The following TBL2 variants were observed in gnomAD, a reference collection of about 807,000 sequenced individuals.
TBL2 encodes the protein transducin beta-like protein 2.
Under a neutral mutation model 41.8 loss-of-function variants are expected in TBL2, and 33 were observed. That is an observed-to-expected ratio of 0.79 (90% CI 0.60 to 1.06). The LOEUF is 1.06. Ranked by LOEUF, TBL2 falls within the 50% of genes least tolerant of loss-of-function variation. The pLI is 0.00. For synonymous variants in TBL2, 239 were observed against 241.7 expected (o/e 0.99, Z 0.10); for missense variants, 522 against 603.8 (o/e 0.86, Z 1.42).
chr7:73,573,174 G>T, intron 4 of TBL2, 146 bp downstream of exon 4: 2 of 1,390,472 alleles, frequency 1.4e-6, no homozygotes, highest in Non-Finnish European at 2.0e-6. Flanking sequence ...CTCCAGGGGA[G>T]CACAGAGCCA....
chr7:73,570,732 G>C lies in TBL2; in HGVS notation c.1119C>G (p.Gly373=). 1 of 1,614,174 alleles carries C rather than the reference G, an allele frequency of 6.2e-7. No homozygotes were observed. The highest frequency in any genetic ancestry group is 8.5e-7 in the Non-Finnish European group (1 of 1,180,032). The change falls in exon 7 of 7, where the codon GGC becomes GGG. Residue 373 remains glycine, a synonymous_variant. Coordinates refer to ENST00000305632, the MANE Select transcript of TBL2 (RefSeq NM_012453.4). ...EKEECFERVH[G]ECIANLSFDI... ...CAAAGGACAAGTTGGCGATACACTC[G>C]CCATGGACCCGCTCAAAGCACTCCT...
At chr7:73,574,346 G>A (rs1554588426) in intron 2 of TBL2, 37 bp downstream of exon 2, 2 of 1,611,708 alleles carry the variant, frequency 1.2e-6, no homozygotes, top group Non-Finnish European at 1.7e-6. Context: ...GTGGGGCTGA[G>A]TCTCAGGGTG....
chr7:73,571,635 A>C lies in TBL2; in HGVS notation c.726-294T>G, dbSNP rs1263168739. 1.5e-5 allele frequency: 5 copies of C among 331,364 alleles called. No homozygotes were observed. In the East Asian group the frequency reaches 3.6e-4, roughly 24 times the overall value. 20.5% of individuals were successfully genotyped at this position (331,364 alleles called of 1,614,324 possible). ...GCCAGGCGTGGTGGCGCATGCCTGT[A>C]GTCCCACCTACTGGGAAGGCTGAGG... On this transcript the variant is annotated intron_variant, in intron 5 of 6. Transcript: ENST00000305632.
In TBL2 at chr7:73,578,041, G is replaced by C. The variant is rs1793448516; in HGVS notation, c.130+379C>G. The C allele has an allele frequency of 7.5e-6, 4 of 531,132 alleles. No homozygotes were observed. The East Asian group carries it at 1.3e-4, about 18-fold the overall frequency. The allele number at this position is 531,132 out of a possible 1,614,324, so 32.9% of individuals were successfully genotyped here. ...ACTCCTTACAGAAAAAGACCCCAAAGCCTATCACAGGGTCATAGATGCCCA... is the reference window on the plus strand; with the variant it reads ...ACTCCTTACAGAAAAAGACCCCAAACCCTATCACAGGGTCATAGATGCCCA... On this transcript the variant is annotated intron_variant, in intron 1 of 6. Coordinates refer to ENST00000305632, the MANE Select transcript of TBL2 (RefSeq NM_012453.4).
intron 1 of TBL2, among the ~76,000 whole-genome samples, chr7:73,575,378 C>T (rs575648784): frequency 2.1e-4 from 32 of 151,960 alleles, no homozygotes; most frequent in African/African-American, 7.7e-4. Flanking sequence ...GCAAGCTCTG[C>T]CTCCCGGGTT....
In TBL2 at chr7:73,567,698, C is replaced by G. The variant is rs571023321; in HGVS notation, c.*2809G>C. On this transcript the variant is annotated 3_prime_UTR_variant, in exon 7 of 7. Transcript: ENST00000305632. Reference sequence around the variant, plus strand: ...CTCTATGTTAATATCCAGACACCTTCTCTGTGGTTACAAGAGAAGCTTGAG... The same window carrying G: ...CTCTATGTTAATATCCAGACACCTTGTCTGTGGTTACAAGAGAAGCTTGAG... 2.6e-5 allele frequency among the ~76,000 whole-genome samples: 4 copies of G among 152,268 alleles called. No homozygotes were observed. Among genetic ancestry groups the G allele is most frequent in the East Asian group, 3.9e-4 (2 of 5,182 alleles).
chr7:73,571,166 G>T, intron 6 of TBL2, 23 bp downstream of exon 6: 1 of 1,613,930 alleles, frequency 6.2e-7, no homozygotes, highest in South Asian at 1.1e-5. Flanking sequence ...CCACTGGTCA[G>T]ACATCAGAGC....
In TBL2 at chr7:73,568,237, C is replaced by T. The variant is rs1458940848; in HGVS notation, c.*2270G>A. On this transcript the variant is annotated 3_prime_UTR_variant, in exon 7 of 7. Coordinates refer to ENST00000305632, the MANE Select transcript of TBL2 (RefSeq NM_012453.4). ...TACTGTGCCTGGACCACAGAGCTGA[C>T]AGTGGGATGGTCCAGGAGTCTGCCC... is the stretch of plus-strand genomic sequence containing the variant. Among the ~76,000 whole-genome samples, 18 of 152,144 alleles carry T rather than the reference C, an allele frequency of 1.2e-4. No homozygotes were observed. Among genetic ancestry groups the T allele is most frequent in the African/African-American group, 4.3e-4 (18 of 41,444 alleles).
At position 73,574,038 on chromosome 7, in the gene TBL2, T is replaced by G; in HGVS notation, c.346A>C (p.Ile116Leu). ...ATCADDRTIR[I>L]WSTKDFLQRE... is the part of the protein sequence containing the mutation. ...TGCAGGAAGTCCTTGGTGCTCCAGA[T>G]GCGGATGGTGCGATCATCTGCACAG... is the stretch of plus-strand genomic sequence containing the variant. The change falls in exon 3 of 7, where the codon ATC becomes CTC. Residue 116 changes from isoleucine (I) to leucine (L), a missense_variant. By Grantham distance (5) the Ile-to-Leu change is conservative. Coordinates refer to ENST00000305632, the MANE Select transcript of TBL2 (RefSeq NM_012453.4). The G allele has an allele frequency of 6.2e-7, 1 of 1,614,192 alleles. No homozygotes were observed. The highest frequency in any genetic ancestry group is 8.5e-7 in the Non-Finnish European group (1 of 1,180,032).
chr7:73,574,325 A>G, intron 2 of TBL2, 58 bp downstream of exon 2: 1 of 1,605,302 alleles, frequency 6.2e-7, no homozygotes, highest in East Asian at 2.2e-5. Flanking sequence ...AATACTCCAG[A>G]GGAAAAGCCT....
chr7:73,578,352 G>A (rs1031137041), intron 1 of TBL2, 68 bp downstream of exon 1: 2 of 1,534,754 alleles, frequency 1.3e-6, no homozygotes, highest in Admixed American at 2.0e-5. Flanking sequence ...CAAACCGCAG[G>A]TCGGACCACG....
In TBL2 at chr7:73,573,360, CT is replaced by C. The variant is rs1554588177; in HGVS notation, c.557del (p.Lys186SerfsTer19). The C allele has an allele frequency of 1.9e-6, 3 of 1,614,174 alleles. No homozygotes were observed. The highest frequency in any genetic ancestry group is 2.5e-6 in the Non-Finnish European group (3 of 1,180,026). On this transcript the variant is annotated frameshift_variant, in exon 4 of 7. Coordinates refer to ENST00000305632, the MANE Select transcript of TBL2 (RefSeq NM_012453.4). LOFTEE classifies it high-confidence loss of function. The part of the protein sequence containing the change: ...FTATPEDFPK[K>X]HKAPVIDIGI... ...CAATGTCGATGACAGGCGCCTTGTG[CT>C]TTTTAGGGAAGTCCTCTGGGGTGGC... is the stretch of plus-strand genomic sequence containing the variant.
At chr7:73,573,030 A>G in intron 4 of TBL2, 60 bp from the exon 5 acceptor site, 2 of 1,608,688 alleles carry the variant, frequency 1.2e-6, no homozygotes, top group Non-Finnish European at 1.7e-6. Flanking sequence ...GTCACTCTCC[A>G]AAGACACTTA....
chr7:73,577,761 G>A lies in TBL2; in HGVS notation c.130+659C>T, dbSNP rs922015284. Among the ~76,000 whole-genome samples, 8 of 151,952 alleles carry A rather than the reference G, an allele frequency of 5.3e-5. No homozygotes were observed. The East Asian group carries it at 1.5e-3, about 29-fold the overall frequency. On this transcript the variant is annotated intron_variant, in intron 1 of 6. Coordinates refer to ENST00000305632, the MANE Select transcript of TBL2 (RefSeq NM_012453.4). ...TGGACTCACGACACCCTCCTGCCTC[G>A]GCCTCCCATGGAGCTGGGACTACAG... is the stretch of plus-strand genomic sequence containing the variant.
rs1171053910 is a variant in TBL2 at position 73,568,331 on chromosome 7, A to T, written c.*2176T>A. Among the ~76,000 whole-genome samples, 1 of 152,172 alleles carries T rather than the reference A, an allele frequency of 6.6e-6. No homozygotes were observed. The highest frequency in any genetic ancestry group is 2.4e-5 in the African/African-American group (1 of 41,444). ...TGCCAATAAGAGAGTAGTGGACTGC[A>T]TCGGGCCGACCTTAGTGTTTTGTTT... On this transcript the variant is annotated 3_prime_UTR_variant, in exon 7 of 7. Coordinates refer to ENST00000305632, the MANE Select transcript of TBL2 (RefSeq NM_012453.4).
intron 5 of TBL2, 38 bp from the exon 6 acceptor site, chr7:73,571,379 C>T (rs782012106): frequency 9.9e-6 from 16 of 1,613,070 alleles, no homozygotes; most frequent in Admixed American, 8.3e-5. Flanking sequence ...ACTTCATTTT[C>T]GGAGCATGTT....
chr7:73,574,104 A>G lies in TBL2; in HGVS notation c.280T>C (p.Ser94Pro). The G allele has an allele frequency of 6.2e-7, 1 of 1,614,106 alleles. No homozygotes were observed. Among genetic ancestry groups the G allele is most frequent in the Non-Finnish European group, 8.5e-7 (1 of 1,179,996 alleles). ...CCATTGCTGCTAAAGTCCATGCAAG[A>G]TATGTTCCCGCTGTGGCTCTAGGGG... ...AALKSHSGNI[S>P]CMDFSSNGKY... The change falls in exon 3 of 7, where the codon TCT (serine) becomes CCT (proline). Residue 94 changes from serine (S) to proline (P), a missense_variant. Transcript: ENST00000305632.
rs896896689 is a variant in TBL2, at chr7:73,573,224, G to A, written c.598+96C>T. The stretch of plus-strand genomic sequence containing the variant: ...AGGGACCCCTTGTTCCTCTCAGGTT[G>A]AGCAGAACTTTCAGGCAGCATTAAC... On this transcript the variant is annotated intron_variant, in intron 4 of 6. Transcript: ENST00000305632. 18 of 1,539,102 alleles carry A rather than the reference G, an allele frequency of 1.2e-5. No individual in the cohort carries two copies. The African/African-American group carries it at 2.3e-4, about 20-fold the overall frequency.
Position 73,569,003 on chromosome 7 carries a change from GGTTTTAA to G in TBL2, c.*1497_*1503del, listed in dbSNP as rs1792763467. On this transcript the variant is annotated 3_prime_UTR_variant, in exon 7 of 7. Coordinates refer to ENST00000305632, the MANE Select transcript of TBL2 (RefSeq NM_012453.4). Reference sequence around the variant, plus strand: ...CCAAGTGTGATGGGAAGCCTTGGGGGGTTTTAACTAGGGAATAATGTGATCTGGTTCA... The same window carrying G: ...CCAAGTGTGATGGGAAGCCTTGGGGGCTAGGGAATAATGTGATCTGGTTCA... 3 of 152,116 alleles carry G rather than the reference GGTTTTAA, an allele frequency of 2.0e-5. No individual in the cohort carries two copies. Among genetic ancestry groups the G allele is most frequent in the African/African-American group, 7.2e-5 (3 of 41,412 alleles). The allele number at this position is 152,116 out of a possible 1,614,324, so 9.4% of individuals were successfully genotyped here. A position where few individuals can be genotyped will look rare whatever the true frequency, so the allele number is the denominator to read the frequency against.
Sources: allele counts gnomAD v4.1 joint callset (sites outside exome capture counted in the v4.1 genomes callset), GRCh38; gene constraint gnomAD v4.1.1; transcripts MANE v1.5; gene names NCBI Gene and HGNC (gene_info 2026-07-23, HGNC 2026-07-21).